Variants in TMEM131 observed in about 807,000 individuals in gnomAD.
TMEM131 encodes the protein transmembrane protein 131.
TMEM131 carries 66 observed loss-of-function variants against 211.6 expected under a neutral mutation model. The ratio of observed to expected loss-of-function variants is 0.31; its 90% CI spans 0.26 to 0.38. TMEM131 has a LOEUF of 0.38. Ranked by LOEUF, TMEM131 falls within the 10% of genes least tolerant of loss-of-function variation. The pLI is 1.00. For synonymous variants in TMEM131, 844 were observed against 841.3 expected (o/e 1.00, Z -0.06); for missense variants, 2,036 against 2,299.3 (o/e 0.89, Z 2.34).
At chr2:97,758,646 A>T (rs1559338840) in intron 40 of TMEM131, among the ~76,000 whole-genome samples, 1 of 152,248 alleles carries the variant, frequency 6.6e-6, no homozygotes, top group East Asian at 1.9e-4. Context: ...GACTCCAGAG[A>T]CCAACCCCAT....
chr2:97,932,623 T>A (rs945590629), intron 1 of TMEM131, among the ~76,000 whole-genome samples: 3 of 152,218 alleles, frequency 2.0e-5, no homozygotes, highest in Admixed American at 6.5e-5. Flanking sequence ...AATTTTCACC[T>A]TATCCTAAAG....
chr2:97,947,747 G>A (rs1269634261), intron 1 of TMEM131, among the ~76,000 whole-genome samples: 1 of 152,050 alleles, frequency 6.6e-6, no homozygotes, highest in East Asian at 1.9e-4. Context: ...AAAGAATTTT[G>A]AAAAAGAAGA....
At chr2:97,862,456 T>C (rs1190046192) in intron 4 of TMEM131, among the ~76,000 whole-genome samples, 1 of 151,968 alleles carries the variant, frequency 6.6e-6, no homozygotes, top group Non-Finnish European at 1.5e-5. Context: ...AAATGGCTGT[T>C]TTGAGGAAAT....
chr2:97,793,638 T>C, intron 29 of TMEM131, 85 bp from the exon 30 acceptor site: 7 of 1,334,640 alleles, frequency 5.2e-6, no homozygotes, highest in Non-Finnish European at 7.2e-6. Flanking sequence ...CAGAGTTTCT[T>C]GGTAAAGTAC....
rs527999841 is a variant in TMEM131, at chr2:97,906,383, T to C, written c.290+2275A>G. On this transcript the variant is annotated intron_variant, in intron 3 of 40. Transcript: ENST00000186436. ...GGTCACACACACACAAAATGTAAAA[T>C]GTGACAGTTGTAAATTCTGTCTACA... Among the ~76,000 whole-genome samples the C allele has an allele frequency of 5.9e-5, 9 of 152,330 alleles. 1 individual carries two copies. The South Asian group carries it at 1.9e-3, about 32-fold the overall frequency.
chr2:97,819,699 T>A (rs184911577), intron 11 of TMEM131, among the ~76,000 whole-genome samples: 21 of 152,330 alleles, frequency 1.4e-4, no homozygotes, highest in Non-Finnish European at 1.3e-4. Context: ...GTTGTATTTG[T>A]TGAATTATGA....
intron 2 of TMEM131, among the ~76,000 whole-genome samples, chr2:97,909,896 T>A (rs1676225527): frequency 6.6e-6 from 1 of 152,186 alleles, no homozygotes; most frequent in African/African-American, 2.4e-5. Context: ...GCTCTTCTAT[T>A]TTCTGTAAAG....
intron 11 of TMEM131, among the ~76,000 whole-genome samples, chr2:97,828,628 G>A (rs908042640): frequency 2.0e-5 from 3 of 152,218 alleles, no homozygotes; most frequent in African/African-American, 7.2e-5. Flanking sequence ...TTTGGCAGCA[G>A]TGACTCTCCA....
At chr2:97,862,326 G>T (rs1321437633) in intron 4 of TMEM131, among the ~76,000 whole-genome samples, 3 of 152,136 alleles carry the variant, frequency 2.0e-5, no homozygotes, top group African/African-American at 7.2e-5. Flanking sequence ...AGACACTGAT[G>T]AACATCTGCA....
intron 1 of TMEM131, among the ~76,000 whole-genome samples, chr2:97,933,779 A>T (rs1272888368): frequency 6.6e-6 from 1 of 152,186 alleles, no homozygotes; most frequent in Non-Finnish European, 1.5e-5. Context: ...CACCCCATCA[A>T]CAGGCTAAAG....
intron 10 of TMEM131, among the ~76,000 whole-genome samples, chr2:97,834,053 T>G (rs576641077): frequency 6.6e-6 from 1 of 152,322 alleles, no homozygotes; most frequent in South Asian, 2.1e-4. Flanking sequence ...ATTTACAATG[T>G]AAAAATATAC....
Position 97,985,733 on chromosome 2 carries a change from AT to A in TMEM131, c.187+9742del, listed in dbSNP as rs548341032. ...AAAATCAAGAAATAGATCCCAGTAC[AT>A]AACAGAATTTGAATGAAAGGAAATA... On this transcript the variant is annotated intron_variant, in intron 1 of 40. Transcript: ENST00000186436. 3.7e-3 allele frequency among the ~76,000 whole-genome samples: 567 copies of A among 152,250 alleles called. 3 individuals carry two copies. Among genetic ancestry groups the A allele is most frequent in the African/African-American group, 0.013 (542 of 41,562 alleles).
At chr2:97,782,582 T>C (rs1680062488) in intron 31 of TMEM131, among the ~76,000 whole-genome samples, 1 of 152,090 alleles carries the variant, frequency 6.6e-6, no homozygotes, top group African/African-American at 2.4e-5. Flanking sequence ...AAAATGCTTG[T>C]TCAATGAGCA....
At chr2:97,811,953 T>C (rs1051141804) in intron 17 of TMEM131, among the ~76,000 whole-genome samples, 1 of 152,220 alleles carries the variant, frequency 6.6e-6, no homozygotes, top group African/African-American at 2.4e-5. Context: ...AACATGTTTA[T>C]TAGACAGGTA....
intron 1 of TMEM131, among the ~76,000 whole-genome samples, chr2:97,940,538 G>A (rs1479102230): frequency 2.0e-5 from 3 of 152,180 alleles, no homozygotes; most frequent in African/African-American, 7.2e-5. Context: ...GCCTGGCGTG[G>A]TGGCTCACAC....
At chr2:97,932,438 A>G (rs1677268093) in intron 1 of TMEM131, among the ~76,000 whole-genome samples, 1 of 152,212 alleles carries the variant, frequency 6.6e-6, no homozygotes, top group African/African-American at 2.4e-5. Context: ...AATTTTATCA[A>G]GACCACTCAA....
chr2:97,784,323 T>C (rs1026066414), intron 31 of TMEM131, among the ~76,000 whole-genome samples: 3 of 152,048 alleles, frequency 2.0e-5, no homozygotes, highest in African/African-American at 7.2e-5. Flanking sequence ...TACTGGGCCA[T>C]AAAACAAACC....
chr2:97,866,666 T>A (rs185064471), intron 4 of TMEM131, among the ~76,000 whole-genome samples: 2 of 152,354 alleles, frequency 1.3e-5, no homozygotes, highest in Non-Finnish European at 2.9e-5. Context: ...TTTTGCTGCA[T>A]CCCGTAAGTT....
intron 38 of TMEM131, 167 bp downstream of exon 38, chr2:97,760,426 C>T (rs1179680496): frequency 1.5e-6 from 1 of 678,324 alleles, no homozygotes; most frequent in Non-Finnish European, 2.5e-6. Context: ...CGGCTTTCTG[C>T]TTCCACCCAG....
Sources: gnomAD v4.1 joint callset for allele counts (sites outside exome capture counted in the v4.1 genomes callset) on GRCh38, gnomAD v4.1.1 for gene constraint, MANE v1.5 for transcripts, NCBI Gene and HGNC (gene_info 2026-07-23, HGNC 2026-07-21) for gene names.